Variants in DIAPH2 observed in about 807,000 individuals in gnomAD.
DIAPH2 encodes diaphanous related formin 2, also known as protein diaphanous homolog 2.
Under a neutral mutation model 92.7 loss-of-function variants are expected in DIAPH2, and 35 were observed. The ratio of observed to expected loss-of-function variants is 0.38; its 90% CI spans 0.29 to 0.50. DIAPH2 has a LOEUF of 0.50. Among genes scored for constraint, DIAPH2 ranks in the 20% least tolerant of loss-of-function variants. The pLI is 0.94. For synonymous variants in DIAPH2, 301 were observed against 280.4 expected (o/e 1.07, Z -0.73); for missense variants, 701 against 819.5 (o/e 0.86, Z 1.77).
chrX:96,918,635 TA>T lies in DIAPH2; in HGVS notation c.978+21del. On this transcript the variant is annotated intron_variant, in intron 9 of 26. Coordinates refer to ENST00000324765, the MANE Select transcript of DIAPH2 (RefSeq NM_006729.5). ...AATTACAGGTGAGTTAGTTTTGTCT[TA>T]AATTGCTTCTAGAGTTATATTTAGA... 9.4e-7 allele frequency: 1 copy of T among 1,065,272 alleles called. No individual in the cohort carries two copies. Among genetic ancestry groups the T allele is most frequent in the Non-Finnish European group, 1.3e-6 (1 of 767,132 alleles). The allele number at this position is 1,065,272 out of a possible 1,213,427, so 87.8% of individuals were successfully genotyped here.
intron 25 of DIAPH2, among the ~76,000 whole-genome samples, chrX:97,419,763 A>G (rs1200349826): frequency 8.9e-6 from 1 of 112,286 alleles, no homozygotes; most frequent in Non-Finnish European, 1.9e-5. Flanking sequence ...AATGGTAGAT[A>G]TTATTAATAT....
At chrX:97,541,924 A>T (rs1366141067) in intron 26 of DIAPH2, among the ~76,000 whole-genome samples, 1 of 112,836 alleles carries the variant, frequency 8.9e-6, no homozygotes, top group Non-Finnish European at 1.9e-5. Flanking sequence ...AATTTAAATT[A>T]CCAATTAGGA....
chrX:96,887,594 C>A (rs1332529688), intron 5 of DIAPH2, among the ~76,000 whole-genome samples: 1 of 111,408 alleles, frequency 9.0e-6, no homozygotes, highest in Admixed American at 9.6e-5. Context: ...GTTTTCAAGG[C>A]CAATATAATA....
chrX:97,542,075 T>C (rs2071144539), intron 26 of DIAPH2, among the ~76,000 whole-genome samples: 1 of 112,490 alleles, frequency 8.9e-6, no homozygotes, highest in Admixed American at 9.4e-5. Flanking sequence ...TTTTTGCATA[T>C]AAGCCTACTT....
chrX:97,262,060 T>C lies in DIAPH2; in HGVS notation c.2844+14221T>C, dbSNP rs546733212. 5.9e-5 allele frequency among the ~76,000 whole-genome samples: 6 copies of C among 102,236 alleles called. No individual in the cohort carries two copies. The South Asian group carries it at 2.9e-3, about 49-fold the overall frequency. 88.8% of individuals were successfully genotyped at this position (102,236 alleles called of 115,157 possible). ...GATACCTACAATGTGCCAAACCCTG[T>C]TTTTTTCAGTGGAGATTCAGTGATG... On this transcript the variant is annotated intron_variant, in intron 23 of 26. Transcript: ENST00000324765.
chrX:96,969,200 C>CT (rs1362582183), intron 17 of DIAPH2, among the ~76,000 whole-genome samples: 1 of 110,923 alleles, frequency 9.0e-6, no homozygotes, highest in Non-Finnish European at 1.9e-5. Context: ...ATTGCTTTGG[C>CT]TATTTGGGCT....
chrX:96,833,105 A>T (rs1463505924), intron 4 of DIAPH2, among the ~76,000 whole-genome samples: 3 of 111,178 alleles, frequency 2.7e-5, no homozygotes, highest in Non-Finnish European at 3.8e-5. Flanking sequence ...TACTTTTTTT[A>T]AAATTCCTTG....
At chrX:97,562,209 G>A (rs767887495) in intron 26 of DIAPH2, among the ~76,000 whole-genome samples, 48 of 110,499 alleles carry the variant, frequency 4.3e-4, no homozygotes, top group African/African-American at 1.5e-3. Flanking sequence ...GAAAGGACAT[G>A]TGATGGCCGG....
At chrX:97,084,962 A>T (rs2066773082) in intron 19 of DIAPH2, among the ~76,000 whole-genome samples, 1 of 111,889 alleles carries the variant, frequency 8.9e-6, no homozygotes, top group Non-Finnish European at 1.9e-5. Flanking sequence ...ATTACTGTAA[A>T]TTATTCATGT....
intron 5 of DIAPH2, among the ~76,000 whole-genome samples, chrX:96,882,972 A>AC (rs1344906231): frequency 9.2e-5 from 5 of 54,375 alleles, no homozygotes; most frequent in African/African-American, 2.0e-4. Flanking sequence ...AAAAAAAAAA[A>AC]AAAAAAAAAA....
Position 97,187,281 on chromosome X carries a change from C to CTTTTTTTTTTTTTTTTTTTTTTT in DIAPH2, c.2719+45488_2719+45510dup, listed in dbSNP as rs763781923. Among the ~76,000 whole-genome samples the CTTTTTTTTTTTTTTTTTTTTTTT allele has an allele frequency of 2.7e-4, 10 of 36,883 alleles. 1 individual carries two copies. The highest frequency in any genetic ancestry group is 6.0e-4 in the Admixed American group (1 of 1,680). The allele number at this position is 36,883 out of a possible 115,157, so 32.0% of individuals were successfully genotyped here. A position where few individuals can be genotyped will look rare whatever the true frequency, so the allele number is the denominator to read the frequency against. ...AGGGATTGAAGACTAATTAAGTAGC[C>CTTTTTTTTTTTTTTTTTTTTTTT]TTTTTTTTTTTTTTTTTTTTTTTGC... On this transcript the variant is annotated intron_variant, in intron 22 of 26. Transcript: ENST00000324765.
At position 97,601,374 on chromosome X, in the gene DIAPH2, A is replaced by C. The variant is rs977243397; in HGVS notation, c.*2057A>C. The C allele has an allele frequency of 9.1e-6, 1 of 110,324 alleles. No homozygotes were observed. The highest frequency in any genetic ancestry group is 1.9e-5 in the Non-Finnish European group (1 of 52,397). 9.1% of individuals were successfully genotyped at this position (110,324 alleles called of 1,213,427 possible). On this transcript the variant is annotated 3_prime_UTR_variant, in exon 27 of 27. Coordinates refer to ENST00000324765, the MANE Select transcript of DIAPH2 (RefSeq NM_006729.5). ...CTTATTTTCTAGTTTGTGAACAAGA[A>C]CGAATGAAGTACTATTATTGATAAC...
At chrX:96,884,442 G>T (rs202067524) in intron 5 of DIAPH2, 1 of 1,208,772 alleles carries the variant, frequency 8.3e-7, no homozygotes, top group African/African-American at 1.8e-5. Flanking sequence ...TCCGAATTCA[G>T]GACGTTGTAC....
At chrX:97,511,118 G>A (rs1410139988) in intron 26 of DIAPH2, among the ~76,000 whole-genome samples, 12 of 95,543 alleles carry the variant, frequency 1.3e-4, no homozygotes, top group Non-Finnish European at 1.9e-4. Flanking sequence ...CCATTTTCAC[G>A]GTATTGATTC....
chrX:97,115,100 A>C, intron 21 of DIAPH2, 135 bp downstream of exon 21: 1 of 534,548 alleles, frequency 1.9e-6, no homozygotes, highest in Non-Finnish European at 2.8e-6. Context: ...GATGCGAATT[A>C]TATCTCAATT....
intron 17 of DIAPH2, among the ~76,000 whole-genome samples, chrX:96,976,004 T>TCC (rs2065958329): frequency 1.1e-5 from 1 of 94,655 alleles, no homozygotes; most frequent in African/African-American, 4.1e-5. Context: ...TCCTTCCCTC[T>TCC]CTCCCTCCCT....
chrX:96,819,488 A>G (rs141617614), intron 4 of DIAPH2, among the ~76,000 whole-genome samples: 6 of 112,370 alleles, frequency 5.3e-5, no homozygotes, highest in African/African-American at 1.6e-4. Flanking sequence ...TTCACAATTC[A>G]TCATAAGTGG....
At chrX:97,254,364 C>T (rs946343187) in intron 23 of DIAPH2, among the ~76,000 whole-genome samples, 2 of 109,591 alleles carry the variant, frequency 1.8e-5, no homozygotes, top group Non-Finnish European at 3.8e-5. Context: ...TGATGGCAGG[C>T]GCCTGTAATC....
At chrX:97,094,215 C>T (rs2066848907) in intron 19 of DIAPH2, among the ~76,000 whole-genome samples, 1 of 111,346 alleles carries the variant, frequency 9.0e-6, no homozygotes. Flanking sequence ...GTAGTCAGGG[C>T]TGGAGACGTT....
Sources: allele counts gnomAD v4.1 joint callset (sites outside exome capture counted in the v4.1 genomes callset), GRCh38; gene constraint gnomAD v4.1.1; transcripts MANE v1.5; gene names NCBI Gene and HGNC (gene_info 2026-07-23, HGNC 2026-07-21).